The following TRMT11 variants were observed in gnomAD, a reference collection of about 807,000 sequenced individuals.
TRMT11 encodes the protein tRNA (guanine(10)-N(2))-methyltransferase TRMT11.
TRMT11 carries 53 observed loss-of-function variants against 62.8 expected under a neutral mutation model. The ratio of observed to expected loss-of-function variants is 0.84; its 90% confidence interval spans 0.68 to 1.06. TRMT11 has a LOEUF of 1.06. Among genes scored for constraint, TRMT11 ranks in the 50% least tolerant of loss-of-function variants. The pLI is 0.00. For synonymous variants in TRMT11, 188 were observed against 190.3 expected (o/e 0.99, Z 0.10); for missense variants, 556 against 553.4 (o/e 1.00, Z -0.05).
At chr6:126,148,523 T>C (rs1562333866) in intron 21 of TRMT11, among the ~76,000 whole-genome samples, 1 of 152,184 alleles carries the variant, frequency 6.6e-6, no homozygotes, top group Non-Finnish European at 1.5e-5. Context: ...TAAACAGATG[T>C]GGGTTGAAGT....
intron 21 of TRMT11, among the ~76,000 whole-genome samples, chr6:126,118,339 T>C (rs1777613412): frequency 6.6e-6 from 1 of 152,106 alleles, no homozygotes; most frequent in South Asian, 2.1e-4. Flanking sequence ...CCTTATCTTC[T>C]ACAAGTTCTA....
chr6:126,146,678 C>T (rs907342346), intron 21 of TRMT11, among the ~76,000 whole-genome samples: 23 of 151,922 alleles, frequency 1.5e-4, no homozygotes, highest in African/African-American at 4.8e-4. Context: ...CACAGTGCCC[C>T]GCTAATTTCT....
In TRMT11 at chr6:126,167,383, T is replaced by G. The variant is rs370393094; in HGVS notation, c.*1824-7442T>G. Among the ~76,000 whole-genome samples the G allele has an allele frequency of 4.7e-4, 71 of 152,314 alleles. No homozygotes were observed. In the East Asian group the frequency reaches 9.7e-3, roughly 21 times the overall value. On this transcript the variant is annotated intron_variant and NMD_transcript_variant, in intron 21 of 22. Coordinates refer to the TRMT11 transcript ENST00000648977. ...CTAGGGGAGGAAGTTCTCTGACCCC[T>G]TGCACTTCCCAGGTGAGGTGATGCC...
downstream of TRMT11, among the ~76,000 whole-genome samples, chr6:126,043,741 C>T (rs1451627086): frequency 4.7e-5 from 7 of 149,924 alleles, no homozygotes; most frequent in African/African-American, 1.5e-4. Flanking sequence ...TTAATGATTG[C>T]CATTCTAACT....
At chr6:126,036,321 G>A (rs557871401) in intron 12 of TRMT11, among the ~76,000 whole-genome samples, 1 of 152,082 alleles carries the variant, frequency 6.6e-6, no homozygotes, top group East Asian at 1.9e-4. Flanking sequence ...TTAGCCAAGC[G>A]GTTGGCATAT....
intron 17 of TRMT11, among the ~76,000 whole-genome samples, chr6:126,106,351 G>A (rs1777464186): frequency 6.6e-6 from 1 of 151,982 alleles, no homozygotes. Flanking sequence ...CACCATATTG[G>A]CCAGGCTGGT....
chr6:126,266,465 G>T, the TRMT11 span, among the ~76,000 whole-genome samples: 1 of 152,100 alleles, frequency 6.6e-6, no homozygotes, highest in East Asian at 1.9e-4. Context: ...GCATTTTAAG[G>T]TATTAGGAAC....
Position 126,048,420 on chromosome 6 carries a change from T to A in TRMT11, c.*1370-4703T>A, listed in dbSNP as rs550539731. Among the ~76,000 whole-genome samples, 9 of 152,296 alleles carry A rather than the reference T, an allele frequency of 5.9e-5. No individual in the cohort carries two copies. In the East Asian group the frequency reaches 1.3e-3, roughly 23 times the overall value. ...AAAGACCTGTGGTTTGATCCACCAC[T>A]TGGAAAAGTAGAGATTTGCAGATTG... On this transcript the variant is annotated intron_variant and NMD_transcript_variant, in intron 16 of 22. Coordinates refer to the TRMT11 transcript ENST00000648977.
At chr6:126,222,279 C>T in the TRMT11 span, among the ~76,000 whole-genome samples, 2 of 151,982 alleles carry the variant, frequency 1.3e-5, no homozygotes. Flanking sequence ...CTTAGGATTG[C>T]CTTAGCTATT....
At chr6:126,122,953 C>G (rs1168688862) in intron 21 of TRMT11, among the ~76,000 whole-genome samples, 1 of 152,050 alleles carries the variant, frequency 6.6e-6, no homozygotes, top group Non-Finnish European at 1.5e-5. Context: ...ATCTGTGAAC[C>G]TCTTAAATAA....
chr6:126,157,546 G>A (rs1778135821), intron 21 of TRMT11, among the ~76,000 whole-genome samples: 4 of 152,130 alleles, frequency 2.6e-5, no homozygotes, highest in Admixed American at 6.5e-5. Flanking sequence ...AATGAACCCC[G>A]CTGGATTAAG....
At chr6:126,260,210 TG>T in the TRMT11 span, among the ~76,000 whole-genome samples, 1 of 152,344 alleles carries the variant, frequency 6.6e-6, no homozygotes. Context: ...CTTGTTTATT[TG>T]CTATAATTGC....
chr6:126,092,931 G>T (rs1459306543), intron 17 of TRMT11, among the ~76,000 whole-genome samples: 1 of 152,184 alleles, frequency 6.6e-6, no homozygotes, highest in African/African-American at 2.4e-5. Context: ...CACAGTTCTA[G>T]AAACTGGGCA....
chr6:126,134,001 G>A (rs1414501068), intron 21 of TRMT11, among the ~76,000 whole-genome samples: 4 of 151,748 alleles, frequency 2.6e-5, no homozygotes, highest in Non-Finnish European at 5.9e-5. Context: ...TCATATTTGG[G>A]TAGATATCTG....
upstream of TRMT11, among the ~76,000 whole-genome samples, chr6:126,172,904 G>A (rs1250336210): frequency 6.6e-6 from 1 of 152,204 alleles, no homozygotes; most frequent in African/African-American, 2.4e-5. Context: ...TTGCACAGAA[G>A]GGAAGGGAGT....
At chr6:126,171,341 T>C (rs1309366199) in intron 21 of TRMT11, among the ~76,000 whole-genome samples, 1 of 152,008 alleles carries the variant, frequency 6.6e-6, no homozygotes, top group African/African-American at 2.4e-5. Context: ...AAGTGATAGA[T>C]AGACATTGTA....
chr6:126,224,350 G>A, the TRMT11 span, among the ~76,000 whole-genome samples: 29 of 152,164 alleles, frequency 1.9e-4, no homozygotes, highest in African/African-American at 7.0e-4. Flanking sequence ...TGGCCTTGGG[G>A]TTTGACTGTG....
chr6:126,240,939 C>T, the TRMT11 span, among the ~76,000 whole-genome samples: 1 of 152,224 alleles, frequency 6.6e-6, no homozygotes. Flanking sequence ...TCGCTGCTGC[C>T]TTGCAGTTTG....
At chr6:126,272,329 A>C in the TRMT11 span, among the ~76,000 whole-genome samples, 1 of 152,144 alleles carries the variant, frequency 6.6e-6, no homozygotes, top group Non-Finnish European at 1.5e-5. Flanking sequence ...TTTTAAAATA[A>C]AAATTTTGAT....
Sources: gnomAD v4.1 joint callset for allele counts (sites outside exome capture counted in the v4.1 genomes callset) on GRCh38, gnomAD v4.1.1 for gene constraint, MANE v1.5 for transcripts, NCBI Gene and HGNC (gene_info 2026-07-23, HGNC 2026-07-21) for gene names.